The following ARHGAP30 variants were observed in gnomAD, a reference collection of about 807,000 sequenced individuals.
The protein encoded by ARHGAP30 is rho GTPase-activating protein 30.
In ARHGAP30, 23 loss-of-function variants were observed where a neutral mutation model predicts 72.0. That is an observed-to-expected ratio of 0.32 (90% CI 0.23 to 0.45). The LOEUF (loss-of-function observed/expected upper bound fraction) is 0.45, where lower values mean the gene tolerates loss of function less well. Among genes scored for constraint, ARHGAP30 ranks in the 20% least tolerant of loss-of-function variants. The pLI is 1.00. For missense variants in ARHGAP30, 1,319 were observed against 1,383.4 expected (o/e 0.95, Z 0.74); for synonymous variants, 576 against 528.2 (o/e 1.09, Z -1.24).
At chr1:161,064,592 C>G (rs1401108935) in intron 1 of ARHGAP30, among the ~76,000 whole-genome samples, 2 of 151,754 alleles carry the variant, frequency 1.3e-5, no homozygotes, top group Non-Finnish European at 2.9e-5. Context: ...GACCTCATCT[C>G]TACAAAAAAC....
At chr1:161,056,161 A>G (rs963970664) in intron 3 of ARHGAP30, among the ~76,000 whole-genome samples, 1 of 152,100 alleles carries the variant, frequency 6.6e-6, no homozygotes, top group Non-Finnish European at 1.5e-5. Context: ...TTAGGGAGAA[A>G]GAAGGACATA....
Position 161,053,348 on chromosome 1 carries a change from C to T in ARHGAP30, c.574G>A (p.Ala192Thr). Residue 192 changes from alanine (A) to threonine (T), a missense_variant, in exon 6 of 12, where the codon GCG (alanine) becomes ACG (threonine). Coordinates refer to ENST00000368013, the MANE Select transcript of ARHGAP30 (RefSeq NM_001025598.2). ...DIEASGFNGT[A>T]AFMEVRVQSI... The stretch of plus-strand genomic sequence containing the variant: ...TGTACCCGCACCTCCATGAAGGCCG[C>T]TGTCCCATTGAAGCCTGAGGCCTCT... 2.5e-6 allele frequency: 4 copies of T among 1,614,076 alleles called. No individual in the cohort carries two copies. The highest frequency in any genetic ancestry group is 3.4e-6 in the Non-Finnish European group (4 of 1,180,032).
At chr1:161,062,654 G>A (rs1163196018) in intron 1 of ARHGAP30, among the ~76,000 whole-genome samples, 1 of 151,754 alleles carries the variant, frequency 6.6e-6, no homozygotes, top group Admixed American at 6.6e-5. Context: ...GCTTGAATCT[G>A]GGAGGTAGTT....
Position 161,047,867 on chromosome 1 carries a change from G to A in ARHGAP30, c.3154C>T (p.Leu1052Phe), listed in dbSNP as rs1293722729. 1 of 1,611,518 alleles carries A rather than the reference G, an allele frequency of 6.2e-7. No homozygotes were observed. Among genetic ancestry groups the A allele is most frequent in the South Asian group, 1.1e-5 (1 of 90,732 alleles). Residue 1052 changes from leucine to phenylalanine, a missense_variant, in exon 12 of 12, where the codon CTC becomes TTC. Leu to Phe is a conservative substitution (Grantham distance 22). Around this residue, in one of 2 missense-constraint regions of ARHGAP30, gnomAD observed 1,097 missense variants for 1,045.2 expected, o/e 1.05. Transcript: ENST00000368013. ...HSPRPLSCLE[L>F]PSEGAEGSGS... ...GACCCTTCTGCACCTTCAGATGGGA[G>A]CTCCAGGCAGCTAAGGGGCCGAGGA...
chr1:161,051,506 CA>C lies in ARHGAP30; in HGVS notation c.1227del (p.Val410SerfsTer104). ...ACATTGTAGGGGTCTGAGATGTGGA[CA>C]CCAGCACAGCGTTCTGCACGGCTGC... ...GGSSRAERCAGVHISDPYNVN... is the reference protein window; with the variant it reads ...GGSSRAERCAXVHISDPYNVN... On this transcript the variant is annotated frameshift_variant, in exon 10 of 12. Coordinates refer to ENST00000368013, the MANE Select transcript of ARHGAP30 (RefSeq NM_001025598.2). LOFTEE classifies it high-confidence loss of function. 1 of 1,614,234 alleles carries C rather than the reference CA, an allele frequency of 6.2e-7. No individual in the cohort carries two copies. The highest frequency in any genetic ancestry group is 1.1e-5 in the South Asian group (1 of 91,088).
chr1:161,061,291 A>G (rs1025581122), intron 1 of ARHGAP30, among the ~76,000 whole-genome samples: 17 of 151,830 alleles, frequency 1.1e-4, no homozygotes, highest in African/African-American at 3.9e-4. Flanking sequence ...TCAGCCTCCC[A>G]AGTAGCTGGA....
At position 161,052,738 on chromosome 1, in the gene ARHGAP30, C is replaced by T. The variant is rs369391668; in HGVS notation, c.724G>A (p.Glu242Lys). 37 of 1,612,080 alleles carry T rather than the reference C, an allele frequency of 2.3e-5. No individual in the cohort carries two copies. The African/African-American group carries it at 2.4e-4, about 10-fold the overall frequency. Reference protein sequence around the residue: ...LPGTRASGSPEDLMPRPLPYH... With the variant: ...LPGTRASGSPKDLMPRPLPYH... Reference sequence around the variant, plus strand: ...GGCAGTGGCCTGGGCATAAGGTCCTCGGGGCTGCCTGATGCCCGGGTCCCT... The same window carrying T: ...GGCAGTGGCCTGGGCATAAGGTCCTTGGGGCTGCCTGATGCCCGGGTCCCT... The change falls in exon 7 of 12, where the codon GAG becomes AAG. Residue 242 changes from glutamate (E) to lysine (K), a missense_variant. Coordinates refer to ENST00000368013, the MANE Select transcript of ARHGAP30 (RefSeq NM_001025598.2).
rs12080016 is a variant in ARHGAP30 at position 161,060,947 on chromosome 1, G to A, written c.98-1231C>T. ...TCTTGAACTCCTGACCTCATATTTC[G>A]CCCGCCTCGGCCTCCCAAAGTGCTG... On this transcript the variant is annotated intron_variant, in intron 1 of 11. Transcript: ENST00000368013. Among the ~76,000 whole-genome samples the A allele has an allele frequency of 1.2e-3, 175 of 151,364 alleles. 1 individual carries two copies. The highest frequency in any genetic ancestry group is 7.4e-3 in the Admixed American group (112 of 15,232).
chr1:161,049,157 G>A lies in ARHGAP30; in HGVS notation c.1864C>T (p.Pro622Ser), dbSNP rs1343093968. 6.2e-7 allele frequency: 1 copy of A among 1,614,094 alleles called. No homozygotes were observed. Among genetic ancestry groups the A allele is most frequent in the Admixed American group, 1.7e-5 (1 of 60,012 alleles). Residue 622 changes from proline to serine, a missense_variant, in exon 12 of 12, where the codon CCT (proline) becomes TCT (serine). By Grantham distance (74) the Pro-to-Ser change is moderately conservative. Coordinates refer to ENST00000368013, the MANE Select transcript of ARHGAP30 (RefSeq NM_001025598.2). ...AYDDLSPLLG[P>S]KPPIWKGSGS... ...GAACCCTTCCAGATTGGGGGTTTAG[G>A]TCCCAGAAGGGGACTTAGGTCATCA... is the stretch of plus-strand genomic sequence containing the variant.
intron 1 of ARHGAP30, among the ~76,000 whole-genome samples, chr1:161,068,203 T>C (rs1652902450): frequency 6.6e-6 from 1 of 152,186 alleles, no homozygotes; most frequent in Admixed American, 6.5e-5. Context: ...TCATCCCCAA[T>C]TAAATCTCAT....
At chr1:161,054,028 G>A (rs761756744) in intron 5 of ARHGAP30, among the ~76,000 whole-genome samples, 12 of 152,016 alleles carry the variant, frequency 7.9e-5, no homozygotes, top group African/African-American at 1.5e-4. Context: ...AGATCGCACC[G>A]CTGCTCTCCA....
chr1:161,047,726 C>A lies in ARHGAP30; in HGVS notation c.3295G>T (p.Glu1099Ter). ...GGCTGTGGTCCTAATCACAGTCCTTCACCTTTCCCAGGGTTAGCCTGTGTT... is the reference window on the plus strand; with the variant it reads ...GGCTGTGGTCCTAATCACAGTCCTTAACCTTTCCCAGGGTTAGCCTGTGTT... ...FETQANPGKGEGL is the reference protein window; with the variant it reads ...FETQANPGKG Residue 1099 changes from glutamate (E) to a stop codon, truncating the protein, a stop_gained, in exon 12 of 12, where the codon GAA becomes TAA. Coordinates refer to ENST00000368013, the MANE Select transcript of ARHGAP30 (RefSeq NM_001025598.2). LOFTEE classifies it high-confidence loss of function. 1.3e-6 allele frequency: 2 copies of A among 1,521,804 alleles called. No homozygotes were observed. Among genetic ancestry groups the A allele is most frequent in the Non-Finnish European group, 1.8e-6 (2 of 1,135,998 alleles). The allele number at this position is 1,521,804 out of a possible 1,614,324, so 94.3% of individuals were successfully genotyped here.
In ARHGAP30 at chr1:161,055,851, T is replaced by C. The variant is rs1394213494; in HGVS notation, c.345+537A>G. On this transcript the variant is annotated intron_variant, in intron 3 of 11. Coordinates refer to ENST00000368013, the MANE Select transcript of ARHGAP30 (RefSeq NM_001025598.2). ...ATAAAATAAAATAAAATAAATAAAA[T>C]AAAATAAATAAAATAAAATAAAATA... Among the ~76,000 whole-genome samples the C allele has an allele frequency of 5.7e-3, 121 of 21,106 alleles. 3 individuals are homozygous for C. The highest frequency in any genetic ancestry group is 0.025 in the African/African-American group (117 of 4,670). 13.8% of individuals were successfully genotyped at this position (21,106 alleles called of 152,430 possible). A position where few individuals can be genotyped will look rare whatever the true frequency, so the allele number is the denominator to read the frequency against.
At chr1:161,050,632 G>A (rs1651287184) in intron 10 of ARHGAP30, among the ~76,000 whole-genome samples, 1 of 148,708 alleles carries the variant, frequency 6.7e-6, no homozygotes, top group African/African-American at 2.5e-5. Flanking sequence ...TTAATAAACT[G>A]TTTTTTGTTT....
At chr1:161,061,794 A>C (rs1652330287) in intron 1 of ARHGAP30, among the ~76,000 whole-genome samples, 1 of 152,060 alleles carries the variant, frequency 6.6e-6, no homozygotes, top group African/African-American at 2.4e-5. Flanking sequence ...TACATGATAG[A>C]TCCTCAAAAA....
At position 161,047,377 on chromosome 1, in the gene ARHGAP30, T is replaced by G. The variant is rs1228142849; in HGVS notation, c.*338A>C. ...GCTTTCATGAAGAGAGATTCACAGCTCAGAGGAAGGGAGGAATTTCTCCAG... is the reference window on the plus strand; with the variant it reads ...GCTTTCATGAAGAGAGATTCACAGCGCAGAGGAAGGGAGGAATTTCTCCAG... On this transcript the variant is annotated 3_prime_UTR_variant, in exon 12 of 12. Transcript: ENST00000368013. The G allele has an allele frequency of 5.5e-6, 1 of 180,964 alleles. No individual in the cohort carries two copies. The allele number at this position is 180,964 out of a possible 1,614,324, so 11.2% of individuals were successfully genotyped here. A position where few individuals can be genotyped will look rare whatever the true frequency, so the allele number is the denominator to read the frequency against.
chr1:161,062,279 G>A (rs1378322560), intron 1 of ARHGAP30, among the ~76,000 whole-genome samples: 1 of 151,996 alleles, frequency 6.6e-6, no homozygotes, highest in African/African-American at 2.4e-5. Context: ...TGGTATATAA[G>A]ACCCTTCACA....
In ARHGAP30 at chr1:161,069,753, G is replaced by A; in HGVS notation, c.-129C>T. On this transcript the variant is annotated 5_prime_UTR_variant, in exon 1 of 12. Coordinates refer to ENST00000368013, the MANE Select transcript of ARHGAP30 (RefSeq NM_001025598.2). This position sits in a 1 kb window ranked among gnomAD's most constrained non-coding sequence, Gnocchi z 4.9. ...CCAGGGGGGCAGGGCTCCCAATTGG[G>A]GGTGGAGGGTGGCCTGGGCAACGGG... is the stretch of plus-strand genomic sequence containing the variant. 1.0e-6 allele frequency: 1 copy of A among 974,068 alleles called. No individual in the cohort carries two copies. Among genetic ancestry groups the A allele is most frequent in the Non-Finnish European group, 1.5e-6 (1 of 659,722 alleles). 60.3% of individuals were successfully genotyped at this position (974,068 alleles called of 1,614,324 possible). A position where few individuals can be genotyped will look rare whatever the true frequency, so the allele number is the denominator to read the frequency against.
In ARHGAP30 at chr1:161,051,573, G is replaced by T. The variant is rs2102034375; in HGVS notation, c.1161C>A (p.Gly387=). 2 of 1,613,978 alleles carry T rather than the reference G, an allele frequency of 1.2e-6. No individual in the cohort carries two copies. Among genetic ancestry groups the T allele is most frequent in the East Asian group, 2.2e-5 (1 of 44,882 alleles). ...TGGCTGACCGCCCAGCTCGTGGTGT[G>T]CCTGGTTCAGAGTTTGTGCCACCCA... ...EALGGTNSEP[G]TPRAGRSAIR... The change falls in exon 10 of 12, where the codon GGC becomes GGA. Residue 387 remains glycine (G), a synonymous_variant. Coordinates refer to ENST00000368013, the MANE Select transcript of ARHGAP30 (RefSeq NM_001025598.2).
Sources: gnomAD v4.1 joint callset for allele counts (sites outside exome capture counted in the v4.1 genomes callset) on GRCh38, gnomAD v4.1.1 for gene constraint, gnomAD v4.1.1 regional missense constraint, Gnocchi (gnomAD v3.1) non-coding constraint, MANE v1.5 for transcripts, NCBI Gene and HGNC (gene_info 2026-07-23, HGNC 2026-07-21) for gene names.